Variants in PCDHGB4 observed in about 807,000 individuals in gnomAD.
PCDHGB4 encodes protocadherin gamma subfamily B, 4.
In PCDHGB4, 38 loss-of-function variants were observed where a neutral mutation model predicts 60.5. That is an observed-to-expected ratio of 0.63 (90% CI 0.48 to 0.82). The LOEUF (loss-of-function observed/expected upper bound fraction) is 0.82, where lower values mean the gene tolerates loss of function less well. Ranked by LOEUF, PCDHGB4 falls within the 40% of genes least tolerant of loss-of-function variation. The pLI, the probability that PCDHGB4 is intolerant of heterozygous loss-of-function variation, is 0.00. For synonymous variants in PCDHGB4, 456 were observed against 509.7 expected, an observed-to-expected ratio of 0.89 and a Z score of 1.42; for missense variants, 1,109 against 1,209.6, an observed-to-expected ratio of 0.92 and a Z score of 1.23.
rs779292483 is a variant in PCDHGB4 at position 141,491,102 on chromosome 5, T to C, written c.2398-3705T>C. The C allele has an allele frequency of 6.2e-7, 1 of 1,614,152 alleles. No individual in the cohort carries two copies. Among genetic ancestry groups the C allele is most frequent in the Non-Finnish European group, 8.5e-7 (1 of 1,180,006 alleles). ...TCCACAGCCCCAGGACTGTTCCTCG[T>C]GTCTACACACACTGGTGAGGTGCGC... On this transcript the variant is annotated intron_variant, in intron 1 of 3. Transcript: ENST00000519479. This position sits in a 1 kb window ranked among gnomAD's most constrained non-coding sequence, Gnocchi z 6.9.
In PCDHGB4 at chr5:141,476,210, G is replaced by A; in HGVS notation, c.2398-18597G>A. ...TGGTGCCTTGAACAAGGCTTCCACG[G>A]TCATTCACTATGAGATCCCGGAGGA... is the stretch of plus-strand genomic sequence containing the variant. On this transcript the variant is annotated intron_variant, in intron 1 of 3. Coordinates refer to ENST00000519479, the MANE Select transcript of PCDHGB4 (RefSeq NM_003736.4). The surrounding 1 kb of genome is among the most constrained non-coding windows in gnomAD (Gnocchi z 7.6). 6.2e-7 allele frequency: 1 copy of A among 1,614,012 alleles called. No individual in the cohort carries two copies. Among genetic ancestry groups the A allele is most frequent in the Non-Finnish European group, 8.5e-7 (1 of 1,180,012 alleles).
At chr5:141,416,553 ACT>A (rs932477065) in intron 1 of PCDHGB4, 2 of 152,100 alleles carry the variant, frequency 1.3e-5, no homozygotes, top group Non-Finnish European at 2.9e-5. Context: ...AACACCTGAA[ACT>A]CTGAAAACTC....
rs1410419839 is a variant in PCDHGB4 at position 141,429,391 on chromosome 5, A to ATTTT, written c.2397+39110_2397+39111insTTTT. Among the ~76,000 whole-genome samples, 380 of 151,312 alleles carry ATTTT rather than the reference A, an allele frequency of 2.5e-3. 1 individual carries two copies. The highest frequency in any genetic ancestry group is 4.2e-3 in the South Asian group (20 of 4,768). On this transcript the variant is annotated intron_variant, in intron 1 of 3. Coordinates refer to ENST00000519479, the MANE Select transcript of PCDHGB4 (RefSeq NM_003736.4). The stretch of plus-strand genomic sequence containing the variant: ...GGAGAAAATGTGTTTTTTTTTTAAA[A>ATTTT]AAAATTGAGATTAAGGTCTCATTAT...
chr5:141,416,062 T>G, intron 1 of PCDHGB4: 1 of 176,822 alleles, frequency 5.7e-6, no homozygotes, highest in Non-Finnish European at 1.2e-5. Flanking sequence ...AATCCAAGAA[T>G]ACTCAATGCA....
At position 141,477,850 on chromosome 5, in the gene PCDHGB4, G is replaced by A; in HGVS notation, c.2398-16957G>A. On this transcript the variant is annotated intron_variant, in intron 1 of 3. Transcript: ENST00000519479. The surrounding 1 kb of genome is among the most constrained non-coding windows in gnomAD (Gnocchi z 4.9). ...CTCGGCCAGGTGGGAGCTCGGTGGAGATGCTGCCTCGAGGTACCTCAGCTG... is the reference window on the plus strand; with the variant it reads ...CTCGGCCAGGTGGGAGCTCGGTGGAAATGCTGCCTCGAGGTACCTCAGCTG... 6.2e-7 allele frequency: 1 copy of A among 1,613,446 alleles called. No homozygotes were observed. Among genetic ancestry groups the A allele is most frequent in the Admixed American group, 1.7e-5 (1 of 59,958 alleles).
At chr5:141,456,702 C>T (rs1185842343) in intron 1 of PCDHGB4, among the ~76,000 whole-genome samples, 1 of 152,062 alleles carries the variant, frequency 6.6e-6, no homozygotes, top group Non-Finnish European at 1.5e-5. Flanking sequence ...TGGTGGCTCG[C>T]GCCTGTAATC....
At chr5:141,503,554 G>A (rs1395044357) in intron 2 of PCDHGB4, among the ~76,000 whole-genome samples, 11 of 149,146 alleles carry the variant, frequency 7.4e-5, no homozygotes, top group East Asian at 3.9e-4. Flanking sequence ...AGCCGAGATC[G>A]CGCCACTGTA....
In PCDHGB4 at chr5:141,432,976, C is replaced by T; in HGVS notation, c.2397+42695C>T. 1 of 1,614,210 alleles carries T rather than the reference C, an allele frequency of 6.2e-7. No individual in the cohort carries two copies. On this transcript the variant is annotated intron_variant, in intron 1 of 3. Transcript: ENST00000519479. The surrounding 1 kb of genome is among the most constrained non-coding windows in gnomAD (Gnocchi z 6.0). Reference sequence around the variant, plus strand: ...GCTTGACAGGAGCGCCGGCGTCGCACTTTGTGGGCGTGGACGGGGTGCAGG... The same window carrying T: ...GCTTGACAGGAGCGCCGGCGTCGCATTTTGTGGGCGTGGACGGGGTGCAGG...
chr5:141,415,828 G>T, intron 1 of PCDHGB4: 1 of 1,293,336 alleles, frequency 7.7e-7, no homozygotes, highest in East Asian at 2.8e-5. Flanking sequence ...ATAAGGCTTT[G>T]TTATGATTAG....
intron 2 of PCDHGB4, among the ~76,000 whole-genome samples, chr5:141,499,612 C>T (rs1489412444): frequency 6.6e-6 from 1 of 151,968 alleles, no homozygotes; most frequent in African/African-American, 2.4e-5. Context: ...TACCCTTATC[C>T]TGTCCTTGGA....
chr5:141,404,072 C>G, intron 1 of PCDHGB4: 3 of 1,613,626 alleles, frequency 1.9e-6, no homozygotes, highest in Non-Finnish European at 2.5e-6. Context: ...TGCTCATGAC[C>G]GAGACTCCGG....
In PCDHGB4 at chr5:141,400,641, G is replaced by C. The variant is rs1427284697; in HGVS notation, c.2397+10360G>C. On this transcript the variant is annotated intron_variant, in intron 1 of 3. Coordinates refer to ENST00000519479, the MANE Select transcript of PCDHGB4 (RefSeq NM_003736.4). ...GTCTTAGGGAAGTCAGAGCTGCTCA[G>C]AAAGCTGTCCTACCATTCTTTAAGA... The C allele has an allele frequency of 9.3e-6, 12 of 1,288,952 alleles. No homozygotes were observed. The East Asian group carries it at 2.8e-4, about 30-fold the overall frequency. 79.8% of individuals were successfully genotyped at this position (1,288,952 alleles called of 1,614,324 possible). A position where few individuals can be genotyped will look rare whatever the true frequency, so the allele number is the denominator to read the frequency against.
intron 1 of PCDHGB4, chr5:141,399,703 C>T: frequency 1.2e-6 from 2 of 1,613,474 alleles, no homozygotes; most frequent in African/African-American, 1.3e-5. Flanking sequence ...CACCTTCGAA[C>T]TCACACTACA....
intron 1 of PCDHGB4, chr5:141,418,103 G>A: frequency 1.2e-6 from 2 of 1,614,076 alleles, no homozygotes; most frequent in African/African-American, 1.3e-5. Flanking sequence ...CGCGCAGAGC[G>A]GGGACTTACT....
chr5:141,427,723 G>A, intron 1 of PCDHGB4: 1 of 1,127,490 alleles, frequency 8.9e-7, no homozygotes, highest in Non-Finnish European at 1.3e-6. Context: ...CTGGACCTAG[G>A]GCTGAATGGC....
chr5:141,423,139 G>A (rs2096713828), intron 1 of PCDHGB4: 2 of 1,613,616 alleles, frequency 1.2e-6, no homozygotes, highest in Middle Eastern at 1.7e-4. Flanking sequence ...GGACAGAGAC[G>A]CGCTCAAGCA....
At chr5:141,390,362 G>GA (rs1411664231) in intron 1 of PCDHGB4, 81 bp downstream of exon 1, 10 of 1,532,890 alleles carry the variant, frequency 6.5e-6, no homozygotes, top group Middle Eastern at 3.5e-4. Context: ...ATATTTGCAG[G>GA]AAAATATATA....
chr5:141,413,656 G>A, intron 1 of PCDHGB4: 1 of 1,613,872 alleles, frequency 6.2e-7, no homozygotes, highest in Non-Finnish European at 8.5e-7. Flanking sequence ...TCTCCCGGAA[G>A]CTATTGATCC....
At chr5:141,442,294 C>A (rs1194203452) in intron 1 of PCDHGB4, 1 of 152,584 alleles carries the variant, frequency 6.6e-6, no homozygotes, top group Admixed American at 6.5e-5. Context: ...ATGATCCTGT[C>A]TGAGTCTTTC....
Sources: allele counts gnomAD v4.1 joint callset (sites outside exome capture counted in the v4.1 genomes callset), GRCh38; gene constraint gnomAD v4.1.1; non-coding constraint Gnocchi (gnomAD v3.1); transcripts MANE v1.5; gene names NCBI Gene and HGNC (gene_info 2026-07-23, HGNC 2026-07-21).